Variants in PTPRG observed in about 807,000 individuals in gnomAD.
PTPRG encodes protein tyrosine phosphatase receptor type G, also known as receptor-type tyrosine-protein phosphatase gamma.
PTPRG carries 102 observed loss-of-function variants against 165.3 expected under a neutral mutation model. The ratio of observed to expected loss-of-function variants is 0.62; its 90% CI spans 0.53 to 0.73. The LOEUF (loss-of-function observed/expected upper bound fraction) is 0.73. Among genes scored for constraint, PTPRG ranks in the 30% least tolerant of loss-of-function variants. The pLI is 0.00. For missense variants in PTPRG, 1,866 were observed against 1,861.4 expected (o/e 1.00, Z -0.05); for synonymous variants, 675 against 669.5 (o/e 1.01, Z -0.13).
At chr3:62,236,154 T>C (rs1306349000) in intron 14 of PTPRG, among the ~76,000 whole-genome samples, 1 of 152,210 alleles carries the variant, frequency 6.6e-6, no homozygotes, top group African/African-American at 2.4e-5. Flanking sequence ...AAGTGAGTTG[T>C]TGTATATGAA....
intron 17 of PTPRG, chr3:62,263,134 A>G: frequency 2.4e-6 from 1 of 411,754 alleles, no homozygotes. Flanking sequence ...AAATGTTTGG[A>G]GCTTCGCTAT....
chr3:61,641,985 T>G (rs112233699), intron 1 of PTPRG, among the ~76,000 whole-genome samples: 2,207 of 152,214 alleles, frequency 0.014, 54 homozygotes, highest in African/African-American at 0.046. Context: ...CCCCCCAGCC[T>G]CCTCATCTGG....
At chr3:61,627,138 G>C (rs1033621427) in intron 1 of PTPRG, among the ~76,000 whole-genome samples, 11 of 152,040 alleles carry the variant, frequency 7.2e-5, no homozygotes, top group Non-Finnish European at 1.5e-4. Context: ...TTGAGTACTG[G>C]ATGTTACCTG....
At chr3:61,906,719 G>T (rs981384338) in intron 2 of PTPRG, among the ~76,000 whole-genome samples, 5 of 152,192 alleles carry the variant, frequency 3.3e-5, no homozygotes, top group Admixed American at 6.5e-5. Flanking sequence ...GATCAAGTCT[G>T]CAATGTGTTG....
At position 62,042,209 on chromosome 3, in the gene PTPRG, A is replaced by G. The variant is rs188259706; in HGVS notation, c.520-35954A>G. ...ATAACCTGGAGCTTCCACACCAGTTATGGAGTCAGAGATGTGAACAGTAGT... is the reference window on the plus strand; with the variant it reads ...ATAACCTGGAGCTTCCACACCAGTTGTGGAGTCAGAGATGTGAACAGTAGT... On this transcript the variant is annotated intron_variant, in intron 4 of 29. Coordinates refer to ENST00000474889, the MANE Select transcript of PTPRG (RefSeq NM_002841.4). Among the ~76,000 whole-genome samples, 62 of 152,248 alleles carry G rather than the reference A, an allele frequency of 4.1e-4. 1 individual carries two copies. The highest frequency in any genetic ancestry group is 1.0e-3 in the Admixed American group (16 of 15,284).
rs1237856610 is a variant in PTPRG at position 62,267,791 on chromosome 3, T to C, written c.2846T>C (p.Met949Thr). 2 of 1,613,350 alleles carry C rather than the reference T, an allele frequency of 1.2e-6. No individual in the cohort carries two copies. Among genetic ancestry groups the C allele is most frequent in the Non-Finnish European group, 1.7e-6 (2 of 1,179,516 alleles). ...GAACAAAACACTGGAATCATTGTGA[T>C]GATTACGAACCTTGTGGAAAAAGGA... Reference protein sequence around the residue: ...IWEQNTGIIVMITNLVEKGRR... With the variant: ...IWEQNTGIIVTITNLVEKGRR... Residue 949 changes from methionine (M) to threonine (T), a missense_variant, in exon 19 of 30, where the codon ATG (methionine) becomes ACG (threonine). By Grantham distance (81) the Met-to-Thr change is moderately conservative. Transcript: ENST00000474889.
At chr3:62,030,908 G>T (rs998571009) in intron 4 of PTPRG, among the ~76,000 whole-genome samples, 1 of 152,194 alleles carries the variant, frequency 6.6e-6, no homozygotes, top group Non-Finnish European at 1.5e-5. Context: ...AGATGCTTTA[G>T]ATTTAGTCAA....
intron 1 of PTPRG, among the ~76,000 whole-genome samples, chr3:61,671,179 T>C (rs553282677): frequency 6.7e-6 from 1 of 149,498 alleles, no homozygotes; most frequent in Admixed American, 6.7e-5. Flanking sequence ...CTTGGGTGTT[T>C]CTCGCAGAGG....
intron 2 of PTPRG, among the ~76,000 whole-genome samples, chr3:61,799,544 A>G (rs1246935024): frequency 6.6e-6 from 1 of 152,180 alleles, no homozygotes; most frequent in Non-Finnish European, 1.5e-5. Flanking sequence ...CACATATTTC[A>G]TAGAATGTCC....
At chr3:61,855,767 C>T (rs960365906) in intron 2 of PTPRG, among the ~76,000 whole-genome samples, 1 of 150,064 alleles carries the variant, frequency 6.7e-6, no homozygotes, top group Non-Finnish European at 1.5e-5. Context: ...TCAGGCCTCA[C>T]ATTAGGAAGC....
At chr3:61,581,619 T>G (rs1296714031) in intron 1 of PTPRG, among the ~76,000 whole-genome samples, 1 of 150,964 alleles carries the variant, frequency 6.6e-6, no homozygotes, top group Admixed American at 6.6e-5. Context: ...CTTTTTTTTT[T>G]TTTTTTTTAT....
At chr3:61,733,495 T>C (rs72878442) in intron 1 of PTPRG, among the ~76,000 whole-genome samples, 184 of 152,224 alleles carry the variant, frequency 1.2e-3, no homozygotes, top group African/African-American at 4.2e-3. Context: ...AGGGTTAACA[T>C]GAGATATTTC....
At chr3:61,916,995 A>AAGGAAT (rs1559687101) in intron 2 of PTPRG, among the ~76,000 whole-genome samples, 1 of 152,038 alleles carries the variant, frequency 6.6e-6, no homozygotes, top group African/African-American at 2.4e-5. Flanking sequence ...TTGCATTCTG[A>AAGGAAT]GCTGTTTTCT....
At chr3:62,026,810 C>T (rs931816330) in intron 4 of PTPRG, among the ~76,000 whole-genome samples, 11 of 143,910 alleles carry the variant, frequency 7.6e-5, no homozygotes, top group Admixed American at 6.7e-4. Flanking sequence ...CGCTTGAACC[C>T]GGGAGGTGGA....
chr3:61,798,458 T>G (rs2035125534), intron 2 of PTPRG, among the ~76,000 whole-genome samples: 1 of 152,160 alleles, frequency 6.6e-6, no homozygotes. Context: ...AGTGTAATGT[T>G]TATCAGAATC....
intron 6 of PTPRG, among the ~76,000 whole-genome samples, chr3:62,152,026 G>A (rs1356414744): frequency 2.6e-5 from 4 of 152,024 alleles, no homozygotes; most frequent in Non-Finnish European, 5.9e-5. Flanking sequence ...ATATCCAGGG[G>A]ACCTAGCTCT....
intron 2 of PTPRG, among the ~76,000 whole-genome samples, chr3:61,875,997 TTAAA>T (rs200544163): frequency 2.6e-5 from 4 of 152,228 alleles, no homozygotes; most frequent in Admixed American, 6.5e-5. Context: ...CAGTCTTTCT[TTAAA>T]TAAATAAATA....
chr3:61,742,354 T>A, intron 1 of PTPRG: 1 of 789,582 alleles, frequency 1.3e-6, no homozygotes, highest in Non-Finnish European at 1.9e-6. Context: ...CAGTAGTAGG[T>A]GACTCTTAGG....
At chr3:61,757,137 A>T (rs2106949312) in intron 2 of PTPRG, among the ~76,000 whole-genome samples, 1 of 152,312 alleles carries the variant, frequency 6.6e-6, no homozygotes, top group East Asian at 1.9e-4. Context: ...GAACTACAGG[A>T]TGTATTAAAA....
Sources: gnomAD v4.1 joint callset for allele counts (sites outside exome capture counted in the v4.1 genomes callset) on GRCh38, gnomAD v4.1.1 for gene constraint, MANE v1.5 for transcripts, NCBI Gene and HGNC (gene_info 2026-07-23, HGNC 2026-07-21) for gene names.